The following VPS53 variants were observed in gnomAD, a reference collection of about 807,000 sequenced individuals.
VPS53 encodes the protein VPS53 subunit of GARP complex.
A neutral mutation model predicts 107.0 loss-of-function variants in VPS53; 70 were observed. That is an observed-to-expected ratio of 0.65 (90% CI 0.54 to 0.80). The LOEUF is 0.80. Among genes scored for constraint, VPS53 ranks in the 30% least tolerant of loss-of-function variants. The pLI, the probability that VPS53 is intolerant of heterozygous loss-of-function variation, is 0.00. For synonymous variants in VPS53, 409 were observed against 393.3 expected (o/e 1.04, Z -0.47); for missense variants, 917 against 1,049.4 (o/e 0.87, Z 1.74).
rs774384147 is a variant in VPS53, at chr17:623,542, A to G, written c.1107T>C (p.Asp369=). 2.5e-6 allele frequency: 4 copies of G among 1,612,426 alleles called. No homozygotes were observed. The South Asian group carries it at 4.4e-5, about 18-fold the overall frequency. Residue 369 remains aspartate, a synonymous_variant, in exon 11 of 22, where the codon GAT becomes GAC. Transcript: ENST00000437048. ...AKRFSGCTLT[D]GTLKKLESPP... is the part of the protein sequence containing the mutation. The stretch of plus-strand genomic sequence containing the variant: ...CTAGGGAAGGTCTTACCAGGGTCCC[A>G]TCGGTCAGGGTGCAGCCGGAGAAGC...
chr17:664,715 G>C (rs11247558), intron 4 of VPS53, among the ~76,000 whole-genome samples: 40,875 of 152,060 alleles, frequency 0.27, 6,237 homozygotes, highest in African/African-American at 0.42. Context: ...TCTGTGAGAA[G>C]TTGCTGCAGT....
chr17:640,528 A>G (rs1281786067), intron 7 of VPS53, among the ~76,000 whole-genome samples: 1 of 152,074 alleles, frequency 6.6e-6, no homozygotes, highest in Admixed American at 6.6e-5. Context: ...GTTCCTATTC[A>G]GCCATCTTAG....
At chr17:710,864 G>A (rs929615781) in intron 1 of VPS53, among the ~76,000 whole-genome samples, 2 of 151,870 alleles carry the variant, frequency 1.3e-5, no homozygotes, top group African/African-American at 2.4e-5. Context: ...AGAATTGCTT[G>A]AACCCGGGAG....
At chr17:576,607 C>G (rs1914635603) in intron 13 of VPS53, among the ~76,000 whole-genome samples, 1 of 151,716 alleles carries the variant, frequency 6.6e-6, no homozygotes, top group African/African-American at 2.4e-5. Context: ...CAGAGAACTT[C>G]CCACAGAACC....
chr17:662,751 G>GAGAAAGAA (rs148578494), intron 4 of VPS53, among the ~76,000 whole-genome samples: 7,547 of 81,294 alleles, frequency 0.093, 1,421 homozygotes, highest in Non-Finnish European at 0.13. Context: ...GACAAAGAAA[G>GAGAAAGAA]AGAAAGAAAG....
At chr17:565,403 CAAAAAAA>C (rs535932031) in intron 13 of VPS53, among the ~76,000 whole-genome samples, 2 of 82,518 alleles carry the variant, frequency 2.4e-5, no homozygotes, top group Middle Eastern at 0.015. Flanking sequence ...AACCCCATCT[CAAAAAAA>C]AAAAAAAAAA....
chr17:651,156 G>A (rs551646472), intron 7 of VPS53, among the ~76,000 whole-genome samples: 16 of 152,152 alleles, frequency 1.1e-4, no homozygotes, highest in Admixed American at 5.2e-4. Flanking sequence ...ACACAAATCC[G>A]GAGCGATAGC....
chr17:571,105 G>T (rs1913996785), intron 13 of VPS53, among the ~76,000 whole-genome samples: 1 of 152,012 alleles, frequency 6.6e-6, no homozygotes, highest in African/African-American at 2.4e-5. Context: ...TTGAGCCCAG[G>T]AGTTTGAGAC....
At chr17:541,796 C>T (rs1306215550) in intron 17 of VPS53, among the ~76,000 whole-genome samples, 1 of 150,436 alleles carries the variant, frequency 6.6e-6, no homozygotes, top group African/African-American at 2.5e-5. Context: ...GAACGTTTAT[C>T]AAGCACCTAC....
intron 11 of VPS53, 133 bp downstream of exon 11, chr17:623,400 C>G (rs1470127614): frequency 9.4e-7 from 1 of 1,064,166 alleles, no homozygotes; most frequent in Non-Finnish European, 1.3e-6. Context: ...ACTTTCCCAG[C>G]AGCTCAGTGA....
intron 5 of VPS53, among the ~76,000 whole-genome samples, chr17:656,217 G>T (rs1971181928): frequency 6.6e-6 from 1 of 152,136 alleles, no homozygotes; most frequent in African/African-American, 2.4e-5. Flanking sequence ...CAAATGAAAT[G>T]ATCCAAACAG....
chr17:699,258 G>A (rs1684500211), intron 3 of VPS53, 73 bp downstream of exon 3: 1 of 1,252,230 alleles, frequency 8.0e-7, no homozygotes, highest in Non-Finnish European at 1.1e-6. Context: ...AGAAAAATGT[G>A]ATCCAGAATG....
In VPS53 at chr17:562,636, A is replaced by AGAGGTCGGCGCAGCTGGG. The variant is rs1208521467; in HGVS notation, c.1405_1422dup (p.Pro469_Leu474dup). 6.2e-7 allele frequency: 1 copy of AGAGGTCGGCGCAGCTGGG among 1,614,030 alleles called. No homozygotes were observed. The highest frequency in any genetic ancestry group is 8.5e-7 in the Non-Finnish European group (1 of 1,180,000). ...ACCATGCACTTCTTGTAGTAGACAA[A>AGAGGTCGGCGCAGCTGGG]GAGGTCGGCGCAGCTGGGGAGCACG... On this transcript the variant is annotated inframe_insertion, in exon 14 of 22. Coordinates refer to ENST00000437048, the MANE Select transcript of VPS53 (RefSeq NM_001128159.3).
Position 516,886 on chromosome 17 carries a change from T to C in VPS53, c.*2242A>G, listed in dbSNP as rs1484697913. On this transcript the variant is annotated 3_prime_UTR_variant, in exon 22 of 22. Coordinates refer to ENST00000437048, the MANE Select transcript of VPS53 (RefSeq NM_001128159.3). ...GGAAAACAGCAGCTTGATAGCTCAATGCTGTGATGGAGCCGTCCGGAAAAC... is the reference window on the plus strand; with the variant it reads ...GGAAAACAGCAGCTTGATAGCTCAACGCTGTGATGGAGCCGTCCGGAAAAC... 1 of 152,342 alleles carries C rather than the reference T, an allele frequency of 6.6e-6. No individual in the cohort carries two copies. Among genetic ancestry groups the C allele is most frequent in the African/African-American group, 2.4e-5 (1 of 41,484 alleles). 9.4% of individuals were successfully genotyped at this position (152,342 alleles called of 1,614,324 possible). A position where few individuals can be genotyped will look rare whatever the true frequency, so the allele number is the denominator to read the frequency against.
rs138859294 is a variant in VPS53, at chr17:553,497, A to G, written c.1705-35T>C. 586 of 1,485,760 alleles carry G rather than the reference A, an allele frequency of 3.9e-4. 4 individuals carry two copies. The African/African-American group carries it at 7.2e-3, about 18-fold the overall frequency. The allele number at this position is 1,485,760 out of a possible 1,614,324, so 92.0% of individuals were successfully genotyped here. ...AACAGAAGAAATGGATGCACGGTTA[A>G]TGATTATCCAAAGAAGTACCATCAC... On this transcript the variant is annotated intron_variant, in intron 15 of 21. Coordinates refer to ENST00000437048, the MANE Select transcript of VPS53 (RefSeq NM_001128159.3).
intron 11 of VPS53, among the ~76,000 whole-genome samples, chr17:619,341 T>G (rs1358702550): frequency 6.8e-6 from 1 of 145,988 alleles, no homozygotes; most frequent in Non-Finnish European, 1.5e-5. Flanking sequence ...CCCGCTAATA[T>G]TTCCCGGGTA....
rs1463654376 is a variant in VPS53, at chr17:714,808, C to G, written c.-99G>C. ...ACAGCAACTCCCTCGCGGCAGCGAC[C>G]TGGTGAGCCCGGCTCCGTCAGCCGC... On this transcript the variant is annotated 5_prime_UTR_variant, in exon 1 of 22. Coordinates refer to ENST00000437048, the MANE Select transcript of VPS53 (RefSeq NM_001128159.3). 1.5e-6 allele frequency: 2 copies of G among 1,354,262 alleles called. No homozygotes were observed. Among genetic ancestry groups the G allele is most frequent in the African/African-American group, 1.4e-5 (1 of 69,488 alleles). 83.9% of individuals were successfully genotyped at this position (1,354,262 alleles called of 1,614,324 possible).
chr17:573,610 C>T (rs1247758935), intron 13 of VPS53, among the ~76,000 whole-genome samples: 1 of 152,192 alleles, frequency 6.6e-6, no homozygotes, highest in Non-Finnish European at 1.5e-5. Flanking sequence ...TCCTGAGCAC[C>T]ATTTACTGTG....
chr17:657,372 C>G (rs756500100), intron 5 of VPS53: 16 of 777,688 alleles, frequency 2.1e-5, no homozygotes, highest in Non-Finnish European at 3.5e-5. Flanking sequence ...CTTAATGAAC[C>G]GCTGCATGCA....
Sources: allele counts gnomAD v4.1 joint callset (sites outside exome capture counted in the v4.1 genomes callset), GRCh38; gene constraint gnomAD v4.1.1; transcripts MANE v1.5; gene names NCBI Gene and HGNC (gene_info 2026-07-23, HGNC 2026-07-21).